The following PLCH1 variants were observed in gnomAD, a reference collection of about 807,000 sequenced individuals.
The protein encoded by PLCH1 is 1-phosphatidylinositol 4,5-bisphosphate phosphodiesterase eta-1.
In PLCH1, 60 loss-of-function variants were observed where a neutral mutation model predicts 126.7. The ratio of observed to expected loss-of-function variants is 0.47; its 90% CI spans 0.38 to 0.59. PLCH1 has a LOEUF of 0.59. Among genes scored for constraint, PLCH1 ranks in the 20% least tolerant of loss-of-function variants. The pLI, the probability that PLCH1 is intolerant of heterozygous loss-of-function variation, is 0.00. For synonymous variants in PLCH1, 719 were observed against 734.9 expected (o/e 0.98, Z 0.35); for missense variants, 1,723 against 2,040.0 (o/e 0.84, Z 2.99).
At position 155,512,716 on chromosome 3, in the gene PLCH1, C is replaced by T. The variant is rs116301489; in HGVS notation, c.1632+2007G>A. On this transcript the variant is annotated intron_variant, in intron 12 of 22. Transcript: ENST00000460012. ...CTCTGTGGGTGTCACCGCTAGGAGC[C>T]AGAACAGAAAGGAAGGATCTTATGG... 4.1e-3 allele frequency among the ~76,000 whole-genome samples: 625 copies of T among 152,230 alleles called. 6 individuals are homozygous for T. The highest frequency in any genetic ancestry group is 0.02 in the Middle Eastern group (6 of 294).
At chr3:155,588,564 G>A (rs945830642) in intron 4 of PLCH1, among the ~76,000 whole-genome samples, 6 of 151,832 alleles carry the variant, frequency 4.0e-5, no homozygotes, top group Non-Finnish European at 7.4e-5. Flanking sequence ...ATTCTTTATC[G>A]AAGCCTCTCA....
chr3:155,520,348 T>C lies in PLCH1; in HGVS notation c.1470+3549A>G, dbSNP rs529371205. 9.2e-5 allele frequency among the ~76,000 whole-genome samples: 14 copies of C among 152,298 alleles called. No individual in the cohort carries two copies. In the East Asian group the frequency reaches 2.7e-3, roughly 29 times the overall value. On this transcript the variant is annotated intron_variant, in intron 11 of 22. Transcript: ENST00000460012. Reference sequence around the variant, plus strand: ...GAGGGAGGAAAATTATTAAAGTGTTTAGTGAGAGATATACACATGCAGACT... The same window carrying C: ...GAGGGAGGAAAATTATTAAAGTGTTCAGTGAGAGATATACACATGCAGACT...
At chr3:155,720,458 C>G (rs1023788268) in intron 1 of PLCH1, among the ~76,000 whole-genome samples, 5 of 152,114 alleles carry the variant, frequency 3.3e-5, no homozygotes, top group Admixed American at 1.3e-4. Flanking sequence ...ATTTGCATTT[C>G]CCTGATCATT....
At chr3:155,581,635 C>T (rs1294980027) in intron 6 of PLCH1, among the ~76,000 whole-genome samples, 1 of 151,912 alleles carries the variant, frequency 6.6e-6, no homozygotes, top group Non-Finnish European at 1.5e-5. Context: ...GTTGCCACAG[C>T]ATGCTTGGAA....
At chr3:155,681,224 C>T (rs1744507598) in intron 2 of PLCH1, among the ~76,000 whole-genome samples, 2 of 152,064 alleles carry the variant, frequency 1.3e-5, no homozygotes, top group East Asian at 3.9e-4. Context: ...TTTAGTAACA[C>T]TAAACTTAGA....
intron 2 of PLCH1, among the ~76,000 whole-genome samples, chr3:155,661,150 C>T (rs971178329): frequency 6.6e-6 from 1 of 152,154 alleles, no homozygotes; most frequent in African/African-American, 2.4e-5. Flanking sequence ...AAGAGGCAAA[C>T]AATCAACTTT....
At chr3:155,601,724 T>C (rs1324589615) in intron 2 of PLCH1, among the ~76,000 whole-genome samples, 2 of 152,130 alleles carry the variant, frequency 1.3e-5, no homozygotes, top group African/African-American at 2.4e-5. Context: ...TGAGGTGTCA[T>C]TGATATGCAG....
chr3:155,610,986 G>A (rs572381317), intron 2 of PLCH1, among the ~76,000 whole-genome samples: 186 of 152,276 alleles, frequency 1.2e-3, no homozygotes, highest in Middle Eastern at 6.8e-3. Context: ...AACACATAAG[G>A]ACACATGTAA....
chr3:155,704,119 A>G (rs1746479307), intron 2 of PLCH1, 27 bp downstream of exon 2: 2 of 1,039,724 alleles, frequency 1.9e-6, no homozygotes, highest in Non-Finnish European at 2.5e-6. Context: ...AAAAGATCCA[A>G]CTACATAAAT....
intron 21 of PLCH1, among the ~76,000 whole-genome samples, chr3:155,456,335 TAAA>T (rs10626251): frequency 8.1e-5 from 11 of 136,056 alleles, no homozygotes; most frequent in African/African-American, 2.7e-4. Context: ...GCTAATGAGC[TAAA>T]AAAAAAAAAA....
intron 21 of PLCH1, among the ~76,000 whole-genome samples, chr3:155,473,384 C>T (rs1713374446): frequency 6.6e-6 from 1 of 152,168 alleles, no homozygotes; most frequent in African/African-American, 2.4e-5. Flanking sequence ...TGAAGGACCT[C>T]TTCAAGGAGA....
intron 12 of PLCH1, among the ~76,000 whole-genome samples, chr3:155,511,920 C>A (rs1480752857): frequency 4.6e-5 from 7 of 152,256 alleles, no homozygotes; most frequent in Non-Finnish European, 8.8e-5. Context: ...CCTAAGCAAG[C>A]CTGGGCAATG....
intron 21 of PLCH1, among the ~76,000 whole-genome samples, chr3:155,467,406 T>C (rs1712972367): frequency 6.6e-6 from 1 of 152,068 alleles, no homozygotes; most frequent in Admixed American, 6.6e-5. Flanking sequence ...AAACCCCATC[T>C]CTACTGAAAA....
chr3:155,594,147 C>T lies in PLCH1; in HGVS notation c.264G>A (p.Arg88=), dbSNP rs546902293. 1.9e-6 allele frequency: 3 copies of T among 1,613,774 alleles called. No individual in the cohort carries two copies. The South Asian group carries it at 3.3e-5, about 18-fold the overall frequency. ...CTTGTCTGTGGAATATTTCAGACTGCCGGCCCTCAGTCACTTTGTAAATGG... is the reference window on the plus strand; with the variant it reads ...CTTGTCTGTGGAATATTTCAGACTGTCGGCCCTCAGTCACTTTGTAAATGG... ...IDSIYKVTEG[R]QSEIFHRQAE... is the part of the protein sequence containing the mutation. The change falls in exon 4 of 23, where the codon CGG becomes CGA. Residue 88 remains arginine (R), a synonymous_variant. Coordinates refer to ENST00000460012, the MANE Select transcript of PLCH1 (RefSeq NM_014996.4).
chr3:155,574,358 T>G (rs964914241), intron 6 of PLCH1, among the ~76,000 whole-genome samples: 1 of 152,230 alleles, frequency 6.6e-6, no homozygotes, highest in Non-Finnish European at 1.5e-5. Context: ...CCTCTTTTCC[T>G]CTTTTCAGGA....
At chr3:155,586,003 C>T (rs1039831243) in intron 5 of PLCH1, 62 bp downstream of exon 5, 2 of 1,448,490 alleles carry the variant, frequency 1.4e-6, no homozygotes, top group South Asian at 2.3e-5. Context: ...TTTTAATATA[C>T]CTAAGTATGT....
chr3:155,621,457 C>A (rs993747504), intron 2 of PLCH1, among the ~76,000 whole-genome samples: 3 of 152,076 alleles, frequency 2.0e-5, no homozygotes, highest in Admixed American at 1.3e-4. Context: ...TAATAACAAA[C>A]CCCTCCAAGC....
At position 155,549,948 on chromosome 3, in the gene PLCH1, T is replaced by A; in HGVS notation, c.1201A>T (p.Ile401Leu). 6.2e-7 allele frequency: 1 copy of A among 1,613,500 alleles called. No homozygotes were observed. The highest frequency in any genetic ancestry group is 1.7e-4 in the Middle Eastern group (1 of 6,056). ...HAFVKNEFPV[I>L]LSIENHCSIQ... ...CTGCAGTGATTCTCGATAGACAATA[T>A]AACAGGAAACCTGAGAAAAGAGCAA... Residue 401 changes from isoleucine to leucine, a missense_variant, in exon 10 of 23, where the codon ATA becomes TTA. Physicochemically the swap from Ile to Leu is conservative, Grantham distance 5 (BLOSUM62 2). Coordinates refer to ENST00000460012, the MANE Select transcript of PLCH1 (RefSeq NM_014996.4).
chr3:155,562,231 G>C (rs1727734566), intron 8 of PLCH1, among the ~76,000 whole-genome samples: 1 of 152,148 alleles, frequency 6.6e-6, no homozygotes, highest in Non-Finnish European at 1.5e-5. Context: ...GCTTCACTCT[G>C]TTTCCATGAT....
Sources: allele counts gnomAD v4.1 joint callset (sites outside exome capture counted in the v4.1 genomes callset), GRCh38; gene constraint gnomAD v4.1.1; transcripts MANE v1.5; gene names NCBI Gene and HGNC (gene_info 2026-07-23, HGNC 2026-07-21).